ATG4B: variants seen among roughly 807,000 people sequenced by gnomAD.
The protein encoded by ATG4B is autophagy related 4B cysteine peptidase, also known as cysteine protease ATG4B.
A neutral mutation model predicts 56.6 loss-of-function variants in ATG4B; 29 were observed. The observed-to-expected ratio is 0.51, with a 90% CI of 0.38 to 0.70. The LOEUF (loss-of-function observed/expected upper bound fraction) is 0.70. Ranked by LOEUF, ATG4B falls within the 30% of genes least tolerant of loss-of-function variation. ATG4B has a pLI of 0.00. For missense variants in ATG4B, 461 were observed against 515.5 expected (o/e 0.89, Z 1.02); for synonymous variants, 224 against 206.1 (o/e 1.09, Z -0.74).
chr2:241,649,310 T>C (rs1217431877), intron 1 of ATG4B, among the ~76,000 whole-genome samples: 5 of 152,256 alleles, frequency 3.3e-5, no homozygotes, highest in Non-Finnish European at 7.3e-5. Context: ...TAAAGACTTC[T>C]GGAAAGAGTC....
rs1431228302 is a variant in ATG4B at position 241,668,735 on chromosome 2, T to G, written c.957+50T>G. On this transcript the variant is annotated intron_variant, in intron 10 of 12. Coordinates refer to ENST00000404914, the MANE Select transcript of ATG4B (RefSeq NM_013325.5). The surrounding 1 kb of genome is among the most constrained non-coding windows in gnomAD (Gnocchi z 4.2). ...CAGGCATTTGGTGCTGAATGCTGTTTGGGAATGACGAGGAAAACTTTCGGA... is the reference window on the plus strand; with the variant it reads ...CAGGCATTTGGTGCTGAATGCTGTTGGGGAATGACGAGGAAAACTTTCGGA... 1 of 1,526,166 alleles carries G rather than the reference T, an allele frequency of 6.6e-7. No homozygotes were observed. Among genetic ancestry groups the G allele is most frequent in the Non-Finnish European group, 8.7e-7 (1 of 1,143,348 alleles). The allele number at this position is 1,526,166 out of a possible 1,614,324, so 94.5% of individuals were successfully genotyped here.
At chr2:241,650,327 C>T (rs1286136941) in intron 1 of ATG4B, among the ~76,000 whole-genome samples, 2 of 152,146 alleles carry the variant, frequency 1.3e-5, no homozygotes, top group African/African-American at 4.8e-5. Flanking sequence ...CTCTCAGTGT[C>T]CAGGGGTTAA....
chr2:241,663,600 A>T (rs1271925470), intron 7 of ATG4B, among the ~76,000 whole-genome samples: 1 of 152,230 alleles, frequency 6.6e-6, no homozygotes, highest in Non-Finnish European at 1.5e-5. Context: ...ATAAGCATAC[A>T]ACTCAAGAAT....
intron 1 of ATG4B, among the ~76,000 whole-genome samples, chr2:241,642,530 C>T (rs953281738): frequency 2.7e-5 from 4 of 150,486 alleles, no homozygotes; most frequent in African/African-American, 9.8e-5. Context: ...AAGGTTTCTT[C>T]GAAATGAAGT....
intron 1 of ATG4B, among the ~76,000 whole-genome samples, chr2:241,644,788 A>G (rs2125115373): frequency 6.6e-6 from 1 of 152,150 alleles, no homozygotes; most frequent in South Asian, 2.1e-4. Context: ...CATCTCTACT[A>G]AAAATACAAA....
intron 7 of ATG4B, among the ~76,000 whole-genome samples, chr2:241,665,140 C>T (rs991255338): frequency 4.6e-5 from 7 of 152,208 alleles, no homozygotes; most frequent in African/African-American, 1.2e-4. Flanking sequence ...TTAAAAAGTT[C>T]TGTCTCAGAA....
At chr2:241,660,393 G>T (rs2068556140) in intron 7 of ATG4B, among the ~76,000 whole-genome samples, 1 of 152,192 alleles carries the variant, frequency 6.6e-6, no homozygotes, top group East Asian at 1.9e-4. Flanking sequence ...ACACAGCGGA[G>T]GGAGTGAGGC....
At chr2:241,637,826 C>T (rs2067717360) in intron 1 of ATG4B, 102 bp downstream of exon 1, 4 of 1,167,798 alleles carry the variant, frequency 3.4e-6, no homozygotes, top group South Asian at 1.7e-5. Flanking sequence ...CGGGGCACGC[C>T]GGTGCGGGCC....
chr2:241,668,502 C>T lies in ATG4B; in HGVS notation c.812-38C>T. 6.3e-7 allele frequency: 1 copy of T among 1,593,810 alleles called. No individual in the cohort carries two copies. Among genetic ancestry groups the T allele is most frequent in the South Asian group, 1.1e-5 (1 of 88,728 alleles). On this transcript the variant is annotated intron_variant, in intron 9 of 12. Transcript: ENST00000404914. The surrounding 1 kb of genome is among the most constrained non-coding windows in gnomAD (Gnocchi z 4.2). ...CTCCTCTGTCCCTTTCCTCTGCCGG[C>T]TCGGCCACCCACCTGCCCACCTGCC...
chr2:241,657,507 G>A (rs2068445971), intron 6 of ATG4B, among the ~76,000 whole-genome samples: 1 of 151,084 alleles, frequency 6.6e-6, no homozygotes, highest in South Asian at 2.1e-4. Context: ...GTTTCACCAT[G>A]TTAGCCAGGC....
chr2:241,659,466 C>G (rs1298851464), intron 7 of ATG4B: 2 of 490,600 alleles, frequency 4.1e-6, no homozygotes, highest in Admixed American at 5.3e-5. Context: ...TTATGAAGGC[C>G]CTGCTGTGCT....
At chr2:241,653,205 T>G (rs1194779228) in intron 3 of ATG4B, 3 of 811,546 alleles carry the variant, frequency 3.7e-6, no homozygotes, top group Non-Finnish European at 6.1e-6. Context: ...TGTTTAACTT[T>G]GCATTTTCTG....
intron 1 of ATG4B, 87 bp from the exon 2 acceptor site, chr2:241,650,923 A>G (rs35731596): frequency 0.14 from 154,613 of 1,119,840 alleles, 12,094 homozygotes; most frequent in Middle Eastern, 0.27. Context: ...TGTTCTCTTC[A>G]GCACAGAAAT....
intron 5 of ATG4B, chr2:241,654,887 T>G: frequency 3.4e-6 from 2 of 580,346 alleles, no homozygotes; most frequent in South Asian, 4.2e-5. Flanking sequence ...TCCATGCGGC[T>G]TGCAGTGCCT....
rs1010587194 is a variant in ATG4B, at chr2:241,672,414, C to T, written c.*150C>T. 5.1e-5 allele frequency: 36 copies of T among 712,376 alleles called. No homozygotes were observed. The highest frequency in any genetic ancestry group is 7.8e-4 in the Middle Eastern group (2 of 2,568). The allele number at this position is 712,376 out of a possible 1,614,324, so 44.1% of individuals were successfully genotyped here. On this transcript the variant is annotated 3_prime_UTR_variant, in exon 13 of 13. Coordinates refer to ENST00000404914, the MANE Select transcript of ATG4B (RefSeq NM_013325.5). ...CCGCTGTGCTCGTGGACTGAGGCTG[C>T]GCTGCCCGGGAGGCCTTACTGCTTG... is the stretch of plus-strand genomic sequence containing the variant.
intron 7 of ATG4B, among the ~76,000 whole-genome samples, chr2:241,660,955 T>C (rs933106005): frequency 6.6e-6 from 1 of 152,166 alleles, no homozygotes; most frequent in African/African-American, 2.4e-5. Context: ...GGGTCAGGGC[T>C]TCCTAGAACC....
intron 7 of ATG4B, among the ~76,000 whole-genome samples, chr2:241,666,231 C>T (rs35966705): frequency 0.2 from 29,878 of 152,166 alleles, 3,282 homozygotes; most frequent in East Asian, 0.28. Context: ...CATTGACTCA[C>T]GGGTGTGTGT....
At chr2:241,669,323 C>T (rs531944282) in intron 10 of ATG4B, among the ~76,000 whole-genome samples, 2 of 152,300 alleles carry the variant, frequency 1.3e-5, no homozygotes, top group Non-Finnish European at 2.9e-5. Context: ...AGCAGTTAAC[C>T]GAATCGGGGG....
chr2:241,671,890 C>T (rs994880457), intron 12 of ATG4B: 8 of 1,325,428 alleles, frequency 6.0e-6, no homozygotes, highest in Non-Finnish European at 6.8e-6. Flanking sequence ...ACAAACAAGG[C>T]AATGGCAATG....
Sources: allele counts gnomAD v4.1 joint callset (sites outside exome capture counted in the v4.1 genomes callset), GRCh38; gene constraint gnomAD v4.1.1; non-coding constraint Gnocchi (gnomAD v3.1); transcripts MANE v1.5; gene names NCBI Gene and HGNC (gene_info 2026-07-23, HGNC 2026-07-21).